DGKD: variants seen among roughly 807,000 people sequenced by gnomAD.
DGKD encodes the protein DAG kinase delta.
In DGKD, 68 loss-of-function variants were observed where a neutral mutation model predicts 154.4. The ratio of observed to expected loss-of-function variants is 0.44; its 90% CI spans 0.36 to 0.54. DGKD has a LOEUF of 0.54. Ranked by LOEUF, DGKD falls within the 20% of genes least tolerant of loss-of-function variation. DGKD has a pLI of 0.00. For missense variants in DGKD, 1,343 were observed against 1,593.6 expected, an observed-to-expected ratio of 0.84 and a Z score of 2.68; for synonymous variants, 693 against 638.0, an observed-to-expected ratio of 1.09 and a Z score of -1.30.
chr2:233,365,857 G>C (rs928959768), intron 1 of DGKD, among the ~76,000 whole-genome samples: 3 of 152,072 alleles, frequency 2.0e-5, no homozygotes, highest in Non-Finnish European at 4.4e-5. Context: ...TATAAAATGG[G>C]GTACAGCTGA....
chr2:233,437,492 C>A lies in DGKD; in HGVS notation c.922+13C>A. The stretch of plus-strand genomic sequence containing the variant: ...ATCGACTCCGATGGTGGGTACCACA[C>A]ATGCTTATCCTTCTCATGCACGCCC... On this transcript the variant is annotated intron_variant, in intron 8 of 29. Coordinates refer to ENST00000264057, the MANE Select transcript of DGKD (RefSeq NM_152879.3). The A allele has an allele frequency of 6.2e-7, 1 of 1,611,316 alleles. No homozygotes were observed. The highest frequency in any genetic ancestry group is 1.3e-5 in the African/African-American group (1 of 75,010).
Position 233,354,547 on chromosome 2 carries a change from CG to C in DGKD, c.32del (p.Gly11ValfsTer50). 9.9e-7 allele frequency: 1 copy of C among 1,014,156 alleles called. No homozygotes were observed. The highest frequency in any genetic ancestry group is 1.2e-6 in the Non-Finnish European group (1 of 849,076). The allele number at this position is 1,014,156 out of a possible 1,614,324, so 62.8% of individuals were successfully genotyped here. A position where few individuals can be genotyped will look rare whatever the true frequency, so the allele number is the denominator to read the frequency against. On this transcript the variant is annotated frameshift_variant, in exon 1 of 30. Coordinates refer to ENST00000264057, the MANE Select transcript of DGKD (RefSeq NM_152879.3). LOFTEE classifies it high-confidence loss of function. The surrounding 1 kb of genome is among the most constrained non-coding windows in gnomAD (Gnocchi z 4.8). MAAAAGAPP[P>X]GPPQPPPPPP... is the part of the protein sequence containing the mutation. ...GCGGCGGCGGCGGGCGCCCCTCCGCCGGGTCCCCCGCAACCGCCTCCGCCGC... is the reference window on the plus strand; with the variant it reads ...GCGGCGGCGGCGGGCGCCCCTCCGCCGGTCCCCCGCAACCGCCTCCGCCGC...
At chr2:233,413,821 C>T (rs1370539547) in intron 3 of DGKD, among the ~76,000 whole-genome samples, 1 of 152,162 alleles carries the variant, frequency 6.6e-6, no homozygotes, top group Non-Finnish European at 1.5e-5. Context: ...GTACACAGAC[C>T]CTCTGAGTCA....
chr2:233,445,366 G>T lies in DGKD; in HGVS notation c.1195-257G>T, dbSNP rs1466027710. Among the ~76,000 whole-genome samples the T allele has an allele frequency of 6.6e-6, 1 of 152,080 alleles. No individual in the cohort carries two copies. Among genetic ancestry groups the T allele is most frequent in the African/African-American group, 2.4e-5 (1 of 41,398 alleles). ...CAAGATGTGATGACAGCTGAGAGATGGACCTGTGGCTCATCCATTTCTCCC... is the reference window on the plus strand; with the variant it reads ...CAAGATGTGATGACAGCTGAGAGATTGACCTGTGGCTCATCCATTTCTCCC... On this transcript the variant is annotated intron_variant, in intron 10 of 29. Transcript: ENST00000264057. This position sits in a 1 kb window ranked among gnomAD's most constrained non-coding sequence, Gnocchi z 5.5.
chr2:233,467,239 C>A, intron 28 of DGKD, 36 bp downstream of exon 28: 2 of 1,452,974 alleles, frequency 1.4e-6, no homozygotes, highest in Non-Finnish European at 1.9e-6. Flanking sequence ...TTCTGGCCGT[C>A]CACGCCTGCT....
rs142882603 is a variant in DGKD at position 233,392,793 on chromosome 2, A to G, written c.348+2310A>G. ...TTGAACCTTTTCACTTTTTGAGTCC[A>G]CATCTGTAATTTACTTTCCCACAAA... On this transcript the variant is annotated intron_variant, in intron 3 of 29. Coordinates refer to ENST00000264057, the MANE Select transcript of DGKD (RefSeq NM_152879.3). Among the ~76,000 whole-genome samples, 585 of 152,310 alleles carry G rather than the reference A, an allele frequency of 3.8e-3. 1 individual carries two copies. Among genetic ancestry groups the G allele is most frequent in the Non-Finnish European group, 5.9e-3 (399 of 68,020 alleles).
At chr2:233,442,134 G>C (rs1174612169) in intron 10 of DGKD, 139 bp downstream of exon 10, 1 of 851,650 alleles carries the variant, frequency 1.2e-6, no homozygotes, top group South Asian at 1.4e-5. Flanking sequence ...GGAGTGTGCA[G>C]TTTGGTGGCC....
intron 10 of DGKD, among the ~76,000 whole-genome samples, chr2:233,443,687 G>A (rs1427059607): frequency 6.6e-6 from 1 of 152,222 alleles, no homozygotes; most frequent in African/African-American, 2.4e-5. Flanking sequence ...TTGACAGCTC[G>A]GGCCGTGAGG....
At chr2:233,371,354 T>A (rs1328035899) in intron 1 of DGKD, among the ~76,000 whole-genome samples, 1 of 152,200 alleles carries the variant, frequency 6.6e-6, no homozygotes, top group Non-Finnish European at 1.5e-5. Flanking sequence ...TTTGAAGAAA[T>A]ACCTATTCAG....
chr2:233,436,013 C>A, intron 6 of DGKD, 89 bp downstream of exon 6: 1 of 1,329,104 alleles, frequency 7.5e-7, no homozygotes, highest in South Asian at 1.4e-5. Context: ...CCCTCCCTGC[C>A]ACTGTTTCAT....
chr2:233,446,767 G>T lies in DGKD; in HGVS notation c.1390G>T (p.Val464Phe). The T allele has an allele frequency of 1.2e-6, 2 of 1,614,166 alleles. No homozygotes were observed. The highest frequency in any genetic ancestry group is 4.5e-5 in the East Asian group (2 of 44,878). The part of the protein sequence containing the change: ...KLPRQASSST[V>F]TEDFSEDSEV... ...CCCCCGGCAGGCCTCCTCCTCTACC[G>T]TCACCGAAGACTTCAGCGAGGATTC... The change falls in exon 12 of 30, where the codon GTC (valine) becomes TTC (phenylalanine). Residue 464 changes from valine (V) to phenylalanine (F), a missense_variant. Physicochemically the swap from Val to Phe is conservative, Grantham distance 50. Coordinates refer to ENST00000264057, the MANE Select transcript of DGKD (RefSeq NM_152879.3).
chr2:233,445,739 A>C lies in DGKD; in HGVS notation c.1311A>C (p.Arg437Ser), dbSNP rs777022600. 1 of 1,613,044 alleles carries C rather than the reference A, an allele frequency of 6.2e-7. No individual in the cohort carries two copies. Among genetic ancestry groups the C allele is most frequent in the Admixed American group, 1.7e-5 (1 of 59,910 alleles). ...CCCAGATCTTGGAGAAGTTGGAGAG[A>C]GCCAGCACCAAGATGCTGGACAGGT... ...QLPQILEKLE[R>S]ASTKMLDRWS... Residue 437 changes from arginine (R) to serine (S), a missense_variant, in exon 11 of 30, where the codon AGA (arginine) becomes AGC (serine). This residue lies in a region of DGKD where 409 missense variants were observed against 446.0 expected (regional missense o/e 0.92). Coordinates refer to ENST00000264057, the MANE Select transcript of DGKD (RefSeq NM_152879.3). The surrounding 1 kb of genome is among the most constrained non-coding windows in gnomAD (Gnocchi z 5.5).
At chr2:233,422,254 A>G (rs527800148) in intron 3 of DGKD, among the ~76,000 whole-genome samples, 76 of 152,358 alleles carry the variant, frequency 5.0e-4, no homozygotes, top group African/African-American at 1.7e-3. Context: ...TCCTCTCTTC[A>G]TGGCTGAGCT....
In DGKD at chr2:233,440,766, C is replaced by T. The variant is rs1267337740; in HGVS notation, c.1086-1121C>T. 6.6e-6 allele frequency among the ~76,000 whole-genome samples: 1 copy of T among 152,190 alleles called. No homozygotes were observed. The highest frequency in any genetic ancestry group is 1.5e-5 in the Non-Finnish European group (1 of 68,042). On this transcript the variant is annotated intron_variant, in intron 9 of 29. Transcript: ENST00000264057. This position sits in a 1 kb window ranked among gnomAD's most constrained non-coding sequence, Gnocchi z 4.9. ...AGGGGCAGCCTCATAAAGCAAGGCC[C>T]GTGGCCAGGCTCGTGTTTTAGAAAG...
intron 3 of DGKD, among the ~76,000 whole-genome samples, chr2:233,393,588 T>G (rs1301134743): frequency 1.3e-5 from 2 of 151,934 alleles, no homozygotes; most frequent in Non-Finnish European, 2.9e-5. Context: ...TCCTCCTGCC[T>G]CAGCCTTCCA....
intron 3 of DGKD, among the ~76,000 whole-genome samples, chr2:233,391,348 T>C (rs1205045265): frequency 6.6e-6 from 1 of 152,232 alleles, no homozygotes; most frequent in Non-Finnish European, 1.5e-5. Flanking sequence ...TGTATATTTA[T>C]GTCTTTACCT....
chr2:233,388,608 GA>G, intron 2 of DGKD: 5 of 365,780 alleles, frequency 1.4e-5, no homozygotes, highest in Admixed American at 4.4e-5. Context: ...TGGGGAAAAG[GA>G]AAAAAGGGTC....
Position 233,441,410 on chromosome 2 carries a change from G to A in DGKD, c.1086-477G>A, listed in dbSNP as rs958886180. On this transcript the variant is annotated intron_variant, in intron 9 of 29. Transcript: ENST00000264057. This position sits in a 1 kb window ranked among gnomAD's most constrained non-coding sequence, Gnocchi z 5.6. ...GGAAGCCAGACTGTGGCCCAGGGCCGGGGAGTGCCAAGACTGAGGGTGCAG... is the reference window on the plus strand; with the variant it reads ...GGAAGCCAGACTGTGGCCCAGGGCCAGGGAGTGCCAAGACTGAGGGTGCAG... Among the ~76,000 whole-genome samples, 4 of 152,186 alleles carry A rather than the reference G, an allele frequency of 2.6e-5. No homozygotes were observed. Among genetic ancestry groups the A allele is most frequent in the East Asian group, 1.9e-4 (1 of 5,196 alleles).
intron 3 of DGKD, among the ~76,000 whole-genome samples, chr2:233,398,834 G>C (rs1212054025): frequency 6.6e-6 from 1 of 152,088 alleles, no homozygotes; most frequent in East Asian, 1.9e-4. Context: ...ATGTTGGCCA[G>C]GCTGGTCTTG....
Sources: gnomAD v4.1 joint callset for allele counts (sites outside exome capture counted in the v4.1 genomes callset) on GRCh38, gnomAD v4.1.1 for gene constraint, gnomAD v4.1.1 regional missense constraint, Gnocchi (gnomAD v3.1) non-coding constraint, MANE v1.5 for transcripts, NCBI Gene and HGNC (gene_info 2026-07-23, HGNC 2026-07-21) for gene names.